Variants in SEC22A observed in about 807,000 individuals in gnomAD.
SEC22A encodes the protein vesicle-trafficking protein SEC22a.
Under a neutral mutation model 35.3 loss-of-function variants are expected in SEC22A, and 22 were observed. The ratio of observed to expected loss-of-function variants is 0.62; its 90% CI spans 0.45 to 0.89. SEC22A has a LOEUF of 0.89. Ranked by LOEUF, SEC22A falls within the 40% of genes least tolerant of loss-of-function variation. SEC22A has a pLI of 0.00. For missense variants in SEC22A, 354 were observed against 362.5 expected, an observed-to-expected ratio of 0.98 and a Z score of 0.19; for synonymous variants, 119 against 129.5, an observed-to-expected ratio of 0.92 and a Z score of 0.55.
intron 2 of SEC22A, among the ~76,000 whole-genome samples, chr3:123,216,645 A>G (rs1320730893): frequency 6.6e-6 from 1 of 152,192 alleles, no homozygotes; most frequent in Non-Finnish European, 1.5e-5. Flanking sequence ...GAAAATAGAA[A>G]GTTCCTGGTA....
chr3:123,239,453 C>A (rs1318054842), intron 4 of SEC22A, among the ~76,000 whole-genome samples: 1 of 152,044 alleles, frequency 6.6e-6, no homozygotes. Flanking sequence ...CCCCTCCACC[C>A]ACCCCACAAC....
At chr3:123,215,028 G>A (rs1936998213) in intron 2 of SEC22A, among the ~76,000 whole-genome samples, 1 of 152,146 alleles carries the variant, frequency 6.6e-6, no homozygotes, top group African/African-American at 2.4e-5. Flanking sequence ...ACTCTTTCGG[G>A]AAATTTTCTG....
chr3:123,205,070 A>G (rs751639349), intron 1 of SEC22A, among the ~76,000 whole-genome samples: 1 of 152,172 alleles, frequency 6.6e-6, no homozygotes, highest in Non-Finnish European at 1.5e-5. Flanking sequence ...AAACTATATT[A>G]TGAATCCGTG....
chr3:123,205,137 C>A (rs1936831325), intron 1 of SEC22A, among the ~76,000 whole-genome samples: 1 of 152,130 alleles, frequency 6.6e-6, no homozygotes, highest in African/African-American at 2.4e-5. Context: ...ACAGCTTAGC[C>A]TAAGGTGGTT....
intron 5 of SEC22A, among the ~76,000 whole-genome samples, chr3:123,255,269 CGTTTTGTTTT>C (rs753495813): frequency 4.6e-5 from 7 of 152,044 alleles, no homozygotes; most frequent in Admixed American, 3.3e-4. Flanking sequence ...TGTTTTCTCC[CGTTTTGTTTT>C]GTTTTGTTTT....
chr3:123,229,847 G>A (rs1937284059), intron 4 of SEC22A, among the ~76,000 whole-genome samples: 1 of 149,514 alleles, frequency 6.7e-6, no homozygotes, highest in Admixed American at 6.7e-5. Flanking sequence ...GGGCAACAGA[G>A]CAAGACTTCA....
chr3:123,222,043 T>C (rs570552160), intron 2 of SEC22A, among the ~76,000 whole-genome samples: 1 of 152,244 alleles, frequency 6.6e-6, no homozygotes, highest in African/African-American at 2.4e-5. Flanking sequence ...CCTCAGTAAA[T>C]TTAATGTTCC....
At chr3:123,238,120 C>T (rs1937451546) in intron 4 of SEC22A, among the ~76,000 whole-genome samples, 1 of 152,072 alleles carries the variant, frequency 6.6e-6, no homozygotes, top group Non-Finnish European at 1.5e-5. Context: ...TGCCACTGTA[C>T]TCCAGCCTGG....
At chr3:123,269,140 T>A (rs2108112076) in intron 6 of SEC22A, among the ~76,000 whole-genome samples, 1 of 151,960 alleles carries the variant, frequency 6.6e-6, no homozygotes, top group East Asian at 1.9e-4. Context: ...GGTAGAGACC[T>A]ATTATTTTAA....
At chr3:123,258,701 A>G (rs1937800818) in intron 5 of SEC22A, among the ~76,000 whole-genome samples, 1 of 151,220 alleles carries the variant, frequency 6.6e-6, no homozygotes, top group South Asian at 2.1e-4. Context: ...TCTTGTGGAA[A>G]TTATCATTGT....
intron 1 of SEC22A, among the ~76,000 whole-genome samples, chr3:123,206,643 A>G (rs1241783275): frequency 6.6e-6 from 1 of 152,146 alleles, no homozygotes; most frequent in Non-Finnish European, 1.5e-5. Flanking sequence ...CTCTTCAGGG[A>G]TCCCAACTTT....
At chr3:123,205,552 GT>G (rs1936838361) in intron 1 of SEC22A, among the ~76,000 whole-genome samples, 1 of 152,110 alleles carries the variant, frequency 6.6e-6, no homozygotes. Context: ...GCCAGGCATG[GT>G]GGCGGGCACC....
At chr3:123,237,812 C>T (rs959550553) in intron 4 of SEC22A, among the ~76,000 whole-genome samples, 3 of 152,038 alleles carry the variant, frequency 2.0e-5, no homozygotes, top group African/African-American at 4.8e-5. Context: ...GATCACCAAA[C>T]GTTAGACACT....
At chr3:123,240,780 G>A (rs904518623) in intron 4 of SEC22A, among the ~76,000 whole-genome samples, 2 of 151,886 alleles carry the variant, frequency 1.3e-5, no homozygotes, top group Non-Finnish European at 2.9e-5. Context: ...GACATTTAGT[G>A]TTGTTAGTCT....
intron 5 of SEC22A, among the ~76,000 whole-genome samples, chr3:123,253,442 G>A (rs1187443815): frequency 2.0e-5 from 3 of 151,602 alleles, no homozygotes; most frequent in Non-Finnish European, 2.9e-5. Flanking sequence ...GGCCAGGCAC[G>A]GTGGCTCACG....
intron 4 of SEC22A, among the ~76,000 whole-genome samples, chr3:123,238,962 A>G (rs1937477116): frequency 6.6e-6 from 1 of 152,252 alleles, no homozygotes; most frequent in African/African-American, 2.4e-5. Flanking sequence ...GTACTCAACT[A>G]TAACAACGAT....
intron 4 of SEC22A, among the ~76,000 whole-genome samples, chr3:123,232,211 C>T (rs1028423520): frequency 6.6e-6 from 1 of 151,906 alleles, no homozygotes; most frequent in Non-Finnish European, 1.5e-5. Context: ...CTGCACTCCA[C>T]CCTGGGTGAT....
intron 3 of SEC22A, among the ~76,000 whole-genome samples, chr3:123,224,208 G>A (rs1400465074): frequency 1.3e-5 from 2 of 151,994 alleles, no homozygotes; most frequent in Admixed American, 6.5e-5. Flanking sequence ...TTACAGAATA[G>A]TCAGCAGGCT....
chr3:123,236,657 A>G (rs1937424471), intron 4 of SEC22A, among the ~76,000 whole-genome samples: 1 of 152,248 alleles, frequency 6.6e-6, no homozygotes, highest in Non-Finnish European at 1.5e-5. Context: ...AGGTCCTGGT[A>G]GAAGCAATCA....
Sources: gnomAD v4.1 joint callset for allele counts (sites outside exome capture counted in the v4.1 genomes callset) on GRCh38, gnomAD v4.1.1 for gene constraint, MANE v1.5 for transcripts, NCBI Gene and HGNC (gene_info 2026-07-23, HGNC 2026-07-21) for gene names.